The following CNTNAP5 variants were observed in gnomAD, a reference collection of about 807,000 sequenced individuals.
The protein encoded by CNTNAP5 is contactin associated protein family member 5, also known as contactin-associated protein-like 5.
A neutral mutation model predicts 150.2 loss-of-function variants in CNTNAP5; 72 were observed. That is an observed-to-expected ratio of 0.48 (90% CI 0.40 to 0.58). The LOEUF (loss-of-function observed/expected upper bound fraction) is 0.58. Among genes scored for constraint, CNTNAP5 ranks in the 20% least tolerant of loss-of-function variants. The probability of loss-of-function intolerance (pLI) is 0.00; values close to 1 mark genes in which losing one functional copy is unlikely to be tolerated. For synonymous variants in CNTNAP5, 672 were observed against 619.8 expected (o/e 1.08, Z -1.25); for missense variants, 1,636 against 1,626.2 (o/e 1.01, Z -0.10).
At chr2:124,302,518 G>A (rs978516446) in intron 3 of CNTNAP5, among the ~76,000 whole-genome samples, 3 of 152,184 alleles carry the variant, frequency 2.0e-5, no homozygotes, top group African/African-American at 7.2e-5. Flanking sequence ...GTGAGGGCAA[G>A]AGAGTGAGAG....
intron 21 of CNTNAP5, among the ~76,000 whole-genome samples, chr2:124,883,021 G>A (rs890246496): frequency 3.3e-5 from 5 of 151,428 alleles, no homozygotes; most frequent in Admixed American, 2.6e-4. Flanking sequence ...TTAAGATGAG[G>A]TTTGGTTGGG....
chr2:124,334,692 T>C (rs113345190), intron 3 of CNTNAP5, among the ~76,000 whole-genome samples: 1 of 152,106 alleles, frequency 6.6e-6, no homozygotes, highest in Non-Finnish European at 1.5e-5. Context: ...TTGTTTTAGG[T>C]CAGATTTTTG....
intron 13 of CNTNAP5, among the ~76,000 whole-genome samples, chr2:124,649,403 G>A (rs1678271034): frequency 6.6e-6 from 1 of 152,182 alleles, no homozygotes; most frequent in Admixed American, 6.5e-5. Context: ...CCTGTCTCCA[G>A]AAATGCCCTT....
At chr2:124,290,204 C>G (rs1457744542) in intron 3 of CNTNAP5, among the ~76,000 whole-genome samples, 8 of 152,088 alleles carry the variant, frequency 5.3e-5, no homozygotes, top group Non-Finnish European at 1.2e-4. Context: ...ATTGAATGTG[C>G]CTTCCAGTCT....
chr2:124,656,276 G>A (rs1304065064), intron 13 of CNTNAP5, among the ~76,000 whole-genome samples: 1 of 152,120 alleles, frequency 6.6e-6, no homozygotes, highest in Non-Finnish European at 1.5e-5. Context: ...CAAAGTCTAG[G>A]CCCTTAGACT....
chr2:124,772,823 T>C lies in CNTNAP5; in HGVS notation c.2558T>C (p.Ile853Thr), dbSNP rs949467855. ...ISSPSEITFA[I>T]DVGNGPVELV... is the part of the protein sequence containing the mutation. ...GCTCCTTCAGAGATCACCTTTGCCA[T>C]CGATGTTGGGAATGGTCCTGTGGAG... Residue 853 changes from isoleucine (I) to threonine (T), a missense_variant, in exon 17 of 24, where the codon ATC (isoleucine) becomes ACC (threonine). Transcript: ENST00000682447. 2.5e-6 allele frequency: 4 copies of C among 1,613,564 alleles called. No individual in the cohort carries two copies. In the Admixed American group the frequency reaches 5.0e-5, roughly 20 times the overall value.
chr2:124,300,495 G>A (rs1270533635), intron 3 of CNTNAP5, among the ~76,000 whole-genome samples: 1 of 152,220 alleles, frequency 6.6e-6, no homozygotes, highest in Non-Finnish European at 1.5e-5. Flanking sequence ...TAGGCATGGA[G>A]CAGAGAATAG....
intron 6 of CNTNAP5, among the ~76,000 whole-genome samples, chr2:124,464,908 T>C (rs76517379): frequency 1.3e-5 from 2 of 152,116 alleles, no homozygotes; most frequent in Non-Finnish European, 2.9e-5. Flanking sequence ...GTTTGGATCC[T>C]TTTTTTATAC....
At chr2:124,716,965 A>G (rs1679957914) in intron 13 of CNTNAP5, among the ~76,000 whole-genome samples, 1 of 152,146 alleles carries the variant, frequency 6.6e-6, no homozygotes, top group African/African-American at 2.4e-5. Flanking sequence ...CCCATTACTC[A>G]TAATTTCCCT....
At chr2:124,599,108 G>A (rs1031308828) in intron 11 of CNTNAP5, among the ~76,000 whole-genome samples, 1 of 152,078 alleles carries the variant, frequency 6.6e-6, no homozygotes, top group African/African-American at 2.4e-5. Flanking sequence ...CGTCTTCTGC[G>A]TCGCTCACGC....
chr2:124,362,180 C>A (rs1057174650), intron 3 of CNTNAP5, among the ~76,000 whole-genome samples: 1 of 152,212 alleles, frequency 6.6e-6, no homozygotes, highest in Non-Finnish European at 1.5e-5. Flanking sequence ...GCGCATGGTG[C>A]GCGAACCCGC....
chr2:124,120,273 G>A (rs1683531092), intron 1 of CNTNAP5, among the ~76,000 whole-genome samples: 1 of 152,200 alleles, frequency 6.6e-6, no homozygotes, highest in Admixed American at 6.5e-5. Context: ...CCTAGGCTGA[G>A]CTGCAAAGGA....
At chr2:124,105,446 T>C (rs761258257) in intron 1 of CNTNAP5, among the ~76,000 whole-genome samples, 22 of 152,336 alleles carry the variant, frequency 1.4e-4, no homozygotes, top group Non-Finnish European at 1.8e-4. Context: ...TTTGCACCGA[T>C]GTACACTCCA....
chr2:124,698,261 G>A (rs1471495894), intron 13 of CNTNAP5, among the ~76,000 whole-genome samples: 1 of 151,744 alleles, frequency 6.6e-6, no homozygotes, highest in Non-Finnish European at 1.5e-5. Context: ...CTGAGGAAAG[G>A]GGAATATTTC....
chr2:124,079,051 G>T (rs1490256823), intron 1 of CNTNAP5, among the ~76,000 whole-genome samples: 3 of 152,132 alleles, frequency 2.0e-5, no homozygotes, highest in African/African-American at 7.2e-5. Context: ...AAAGACACAG[G>T]GCTAGATGCA....
At chr2:124,437,795 GAGAA>G (rs1488436248) in intron 5 of CNTNAP5, among the ~76,000 whole-genome samples, 1 of 152,136 alleles carries the variant, frequency 6.6e-6, no homozygotes, top group African/African-American at 2.4e-5. Context: ...GAGAGACAGA[GAGAA>G]AGAGAGGCAG....
chr2:124,118,851 G>T (rs1237341060), intron 1 of CNTNAP5, among the ~76,000 whole-genome samples: 2 of 152,120 alleles, frequency 1.3e-5, no homozygotes, highest in Admixed American at 6.6e-5. Context: ...TCAGTTTCCT[G>T]TACCACATAA....
intron 12 of CNTNAP5, among the ~76,000 whole-genome samples, chr2:124,621,952 T>C (rs188061919): frequency 6.6e-6 from 1 of 152,292 alleles, no homozygotes; most frequent in East Asian, 1.9e-4. Flanking sequence ...CTACTTTCTT[T>C]TTTTTTCTTC....
intron 4 of CNTNAP5, among the ~76,000 whole-genome samples, chr2:124,427,331 A>G (rs1558897364): frequency 6.6e-6 from 1 of 152,206 alleles, no homozygotes. Flanking sequence ...TAAAACACAA[A>G]GAGCTCTTTC....
Sources: gnomAD v4.1 joint callset for allele counts (sites outside exome capture counted in the v4.1 genomes callset) on GRCh38, gnomAD v4.1.1 for gene constraint, MANE v1.5 for transcripts, NCBI Gene and HGNC (gene_info 2026-07-23, HGNC 2026-07-21) for gene names.